XNDC1N: variants seen among roughly 807,000 people sequenced by gnomAD.
XNDC1N encodes protein XNDC1N.
the XNDC1N span, among the ~76,000 whole-genome samples, chr11:71,876,306 A>G: frequency 1.3e-5 from 2 of 152,210 alleles, no homozygotes; most frequent in African/African-American, 4.8e-5. Context: ...CTTGATAGCT[A>G]TCTGATTTTC....
At chr11:71,898,840 A>T in the XNDC1N span, among the ~76,000 whole-genome samples, 1 of 152,148 alleles carries the variant, frequency 6.6e-6, no homozygotes, top group African/African-American at 2.4e-5. Context: ...GAAACTGTAA[A>T]CTGAAAAAGC....
the XNDC1N span, among the ~76,000 whole-genome samples, chr11:71,888,750 C>T: frequency 6.6e-6 from 1 of 152,230 alleles, no homozygotes; most frequent in Admixed American, 6.5e-5. Flanking sequence ...GCTGTCGTGA[C>T]TTTAATGAAT....
the XNDC1N span, among the ~76,000 whole-genome samples, chr11:71,875,059 G>A: frequency 6.6e-6 from 1 of 151,480 alleles, no homozygotes; most frequent in Non-Finnish European, 1.5e-5. Context: ...AAGCCCCCTG[G>A]GACAATCTCA....
chr11:71,913,669 A>T, the XNDC1N span, among the ~76,000 whole-genome samples: 2 of 6,900 alleles, frequency 2.9e-4, no homozygotes, highest in African/African-American at 9.1e-4. Context: ...AAAAGATAAA[A>T]AAAAAAAAAA....
the XNDC1N span, among the ~76,000 whole-genome samples, chr11:71,867,210 A>G: frequency 2.6e-5 from 4 of 152,244 alleles, 1 homozygote; most frequent in Admixed American, 2.6e-4. Context: ...TACTTGAAAA[A>G]AAGAAGAAAA....
At chr11:71,912,635 A>G in the XNDC1N span, among the ~76,000 whole-genome samples, 3,860 of 152,246 alleles carry the variant, frequency 0.025, 54 homozygotes, top group East Asian at 0.073. Flanking sequence ...GAGTAATATT[A>G]TCCTCTCCCC....
chr11:71,906,191 C>A, the XNDC1N span, among the ~76,000 whole-genome samples: 169 of 151,922 alleles, frequency 1.1e-3, no homozygotes, highest in African/African-American at 3.9e-3. Context: ...GGTGTACACC[C>A]CCTGTGATAT....
the XNDC1N span, among the ~76,000 whole-genome samples, chr11:71,887,610 C>T: frequency 1.3e-5 from 2 of 152,188 alleles, no homozygotes; most frequent in African/African-American, 2.4e-5. Flanking sequence ...AAACAGGGGC[C>T]GGTCCCCAGA....
chr11:71,911,027 C>A, the XNDC1N span, among the ~76,000 whole-genome samples: 1 of 152,226 alleles, frequency 6.6e-6, no homozygotes, highest in East Asian at 1.9e-4. Context: ...GACTTTGAAC[C>A]CAAACTGTGG....
At chr11:71,901,104 A>G in the XNDC1N span, among the ~76,000 whole-genome samples, 1 of 152,286 alleles carries the variant, frequency 6.6e-6, no homozygotes, top group Admixed American at 6.5e-5. Context: ...GATCACATCG[A>G]GGATTCCAGA....
chr11:71,888,247 G>A, the XNDC1N span, among the ~76,000 whole-genome samples: 2 of 152,172 alleles, frequency 1.3e-5, no homozygotes, highest in African/African-American at 2.4e-5. Flanking sequence ...ACAGGGGTGG[G>A]AAGGCAGCCC....
the XNDC1N span, among the ~76,000 whole-genome samples, chr11:71,876,687 C>A: frequency 4.4e-4 from 67 of 152,324 alleles, 1 homozygote; most frequent in East Asian, 0.012. Flanking sequence ...GAAAATTATG[C>A]CCTTAGTGTT....
the XNDC1N span, among the ~76,000 whole-genome samples, chr11:71,892,691 T>C: frequency 6.6e-6 from 1 of 152,146 alleles, no homozygotes; most frequent in South Asian, 2.1e-4. Context: ...AATTTTTTTT[T>C]TTAATTTTCA....
the XNDC1N span, among the ~76,000 whole-genome samples, chr11:71,876,394 C>A: frequency 6.6e-6 from 1 of 152,100 alleles, no homozygotes; most frequent in African/African-American, 2.4e-5. Context: ...CAATCTAAGC[C>A]ATCTTTTGAT....
chr11:71,877,216 G>A, the XNDC1N span, among the ~76,000 whole-genome samples: 1 of 152,196 alleles, frequency 6.6e-6, no homozygotes, highest in African/African-American at 2.4e-5. Flanking sequence ...GCACCAAGAA[G>A]AAGCCATGGC....
chr11:71,923,127 T>C, the XNDC1N span, among the ~76,000 whole-genome samples: 1 of 152,216 alleles, frequency 6.6e-6, no homozygotes, highest in Non-Finnish European at 1.5e-5. Flanking sequence ...AAGACTTCTT[T>C]TGCGCATCCT....
At chr11:71,868,171 G>C in the XNDC1N span, among the ~76,000 whole-genome samples, 3 of 152,270 alleles carry the variant, frequency 2.0e-5, no homozygotes, top group Admixed American at 2.0e-4. Context: ...TTGAGCCTAT[G>C]AGTGATGGGC....
chr11:71,888,318 GA>G, the XNDC1N span, among the ~76,000 whole-genome samples: 1 of 152,206 alleles, frequency 6.6e-6, no homozygotes, highest in East Asian at 1.9e-4. Flanking sequence ...GAAGGCAGGT[GA>G]GAGAATTCTT....
the XNDC1N span, chr11:71,893,296 T>C: frequency 7.8e-6 from 4 of 510,166 alleles, no homozygotes; most frequent in Non-Finnish European, 1.1e-5. Context: ...GTAAATCACG[T>C]AATAATTCTG....
Sources: gnomAD v4.1 joint callset for allele counts (sites outside exome capture counted in the v4.1 genomes callset) on GRCh38, gnomAD v4.1.1 for gene constraint, MANE v1.5 for transcripts, NCBI Gene and HGNC (gene_info 2026-07-23, HGNC 2026-07-21) for gene names.